Variants in STK32B observed in about 807,000 individuals in gnomAD.
STK32B encodes serine/threonine kinase 32B, also known as serine/threonine-protein kinase 32B.
A neutral mutation model predicts 52.6 loss-of-function variants in STK32B; 43 were observed. The observed-to-expected ratio is 0.82, with a 90% CI of 0.64 to 1.05. The LOEUF is 1.05. Among genes scored for constraint, STK32B ranks in the 50% least tolerant of loss-of-function variants. STK32B has a pLI of 0.00. For missense variants in STK32B, 621 were observed against 534.6 expected (o/e 1.16, Z -1.59); for synonymous variants, 238 against 204.3 (o/e 1.17, Z -1.41).
chr4:5,102,288 G>A (rs970620434), intron 1 of STK32B, among the ~76,000 whole-genome samples: 1 of 152,164 alleles, frequency 6.6e-6, no homozygotes. Flanking sequence ...TGGCCACCAT[G>A]AGCTCCTCTG....
intron 6 of STK32B, among the ~76,000 whole-genome samples, chr4:5,422,222 T>C (rs951229820): frequency 1.3e-5 from 2 of 152,184 alleles, no homozygotes; most frequent in South Asian, 4.1e-4. Context: ...TACCAGGCAG[T>C]GGGAGTTTAG....
chr4:5,165,848 C>T (rs1718829506), intron 2 of STK32B, among the ~76,000 whole-genome samples: 1 of 152,306 alleles, frequency 6.6e-6, no homozygotes, highest in Admixed American at 6.5e-5. Flanking sequence ...GTGGAAAAAA[C>T]ATCTTTTTGG....
intron 4 of STK32B, among the ~76,000 whole-genome samples, chr4:5,346,659 A>G (rs1211838757): frequency 6.6e-6 from 1 of 152,218 alleles, no homozygotes; most frequent in Non-Finnish European, 1.5e-5. Flanking sequence ...TGGGTAAGTC[A>G]GTGACTGCTC....
chr4:5,334,876 T>C (rs935198480), intron 4 of STK32B, among the ~76,000 whole-genome samples: 1 of 152,028 alleles, frequency 6.6e-6, no homozygotes, highest in African/African-American at 2.4e-5. Context: ...GGATTCGGTT[T>C]GCCAGTATTT....
At chr4:5,019,394 G>T in the STK32B span, 1 of 1,496,490 alleles carries the variant, frequency 6.7e-7, no homozygotes, top group Non-Finnish European at 8.8e-7. Context: ...CGCGCGGCGG[G>T]GGCTCCCGCC....
intron 3 of STK32B, among the ~76,000 whole-genome samples, chr4:5,257,397 G>A (rs554963682): frequency 6.6e-6 from 1 of 152,300 alleles, no homozygotes; most frequent in Admixed American, 6.5e-5. Context: ...GTGAATGAAT[G>A]AGTGAATGAT....
At chr4:5,335,662 G>T (rs1034047335) in intron 4 of STK32B, among the ~76,000 whole-genome samples, 1 of 151,948 alleles carries the variant, frequency 6.6e-6, no homozygotes, top group Non-Finnish European at 1.5e-5. Flanking sequence ...GTGTCCCAGA[G>T]ATTCTGGTAT....
chr4:5,310,332 C>T (rs140625547), intron 3 of STK32B, among the ~76,000 whole-genome samples: 1 of 152,176 alleles, frequency 6.6e-6, no homozygotes, highest in African/African-American at 2.4e-5. Context: ...ACTGAAACAA[C>T]TCAACAGCAA....
chr4:5,379,270 T>G (rs868167659), intron 4 of STK32B, among the ~76,000 whole-genome samples: 1 of 152,092 alleles, frequency 6.6e-6, no homozygotes, highest in Non-Finnish European at 1.5e-5. Flanking sequence ...TGCCTTTCTT[T>G]CCAGAACTTT....
Position 5,482,258 on chromosome 4 carries a change from C to T in STK32B, c.1106+14188C>T, listed in dbSNP as rs184120041. On this transcript the variant is annotated intron_variant, in intron 11 of 11. Coordinates refer to ENST00000282908, the MANE Select transcript of STK32B (RefSeq NM_018401.3). ...CATTTGTTTGTATCCTCTTTTATTT[C>T]GTTGAGCAGTGGTTTGTAGTTCTTC... is the stretch of plus-strand genomic sequence containing the variant. Among the ~76,000 whole-genome samples the T allele has an allele frequency of 5.2e-3, 790 of 152,222 alleles. 4 individuals carry two copies. The highest frequency in any genetic ancestry group is 0.017 in the African/African-American group (704 of 41,520).
At chr4:5,310,878 C>T (rs1048605208) in intron 3 of STK32B, among the ~76,000 whole-genome samples, 2 of 152,108 alleles carry the variant, frequency 1.3e-5, no homozygotes, top group Non-Finnish European at 1.5e-5. Context: ...GAAATTCTGT[C>T]GTTCATGGCA....
chr4:5,362,142 G>GT (rs1734585300), intron 4 of STK32B, among the ~76,000 whole-genome samples: 1 of 152,140 alleles, frequency 6.6e-6, no homozygotes, highest in South Asian at 2.1e-4. Context: ...AATAAAAATT[G>GT]TATGTTGGGA....
At chr4:5,275,364 T>A (rs1464141629) in intron 3 of STK32B, among the ~76,000 whole-genome samples, 1 of 152,262 alleles carries the variant, frequency 6.6e-6, no homozygotes, top group Non-Finnish European at 1.5e-5. Context: ...AGTCGTGATT[T>A]TAAGAATCTG....
At chr4:5,264,638 A>T (rs527677056) in intron 3 of STK32B, among the ~76,000 whole-genome samples, 4 of 151,688 alleles carry the variant, frequency 2.6e-5, no homozygotes, top group African/African-American at 7.3e-5. Context: ...TAAAAAAAAA[A>T]TAGCCGGGCA....
At chr4:5,185,804 C>T (rs115351175) in intron 3 of STK32B, among the ~76,000 whole-genome samples, 3,278 of 152,278 alleles carry the variant, frequency 0.022, 118 homozygotes, top group African/African-American at 0.074. Context: ...ACAATGGCTC[C>T]CGAAGCCCTC....
intron 4 of STK32B, among the ~76,000 whole-genome samples, chr4:5,382,970 C>T (rs1736025497): frequency 1.3e-5 from 2 of 152,104 alleles, no homozygotes; most frequent in Non-Finnish European, 2.9e-5. Flanking sequence ...GCAGCATGTC[C>T]CCTTGGAGGA....
At chr4:5,187,026 C>A (rs1486057756) in intron 3 of STK32B, among the ~76,000 whole-genome samples, 1 of 152,180 alleles carries the variant, frequency 6.6e-6, no homozygotes, top group Non-Finnish European at 1.5e-5. Context: ...AGAGGACACG[C>A]AGTACAAAAA....
intron 1 of STK32B, among the ~76,000 whole-genome samples, chr4:5,096,794 G>A (rs1033666604): frequency 6.6e-6 from 1 of 152,000 alleles, no homozygotes; most frequent in Admixed American, 6.6e-5. Flanking sequence ...ACTGCCAACC[G>A]GCAAAAAGAA....
chr4:5,343,239 G>C (rs1344369852), intron 4 of STK32B, among the ~76,000 whole-genome samples: 1 of 151,784 alleles, frequency 6.6e-6, no homozygotes, highest in African/African-American at 2.4e-5. Flanking sequence ...TGAGAATGAT[G>C]GTTTCCAGCT....
Sources: allele counts gnomAD v4.1 joint callset (sites outside exome capture counted in the v4.1 genomes callset), GRCh38; gene constraint gnomAD v4.1.1; transcripts MANE v1.5; gene names NCBI Gene and HGNC (gene_info 2026-07-23, HGNC 2026-07-21).